Variants in FIRRM observed in about 807,000 individuals in gnomAD.
The protein encoded by FIRRM is FIGNL1 interacting regulator of recombination and mitosis.
chr1:169,840,159 T>C, the FIRRM span, among the ~76,000 whole-genome samples: 1 of 152,228 alleles, frequency 6.6e-6, no homozygotes, highest in Non-Finnish European at 1.5e-5. Flanking sequence ...AGTCACGTGA[T>C]GCCTCTGGCC....
chr1:169,813,912 G>A, the FIRRM span, among the ~76,000 whole-genome samples: 2 of 152,180 alleles, frequency 1.3e-5, no homozygotes, highest in African/African-American at 4.8e-5. Flanking sequence ...TACATTTTGG[G>A]AGAAATGTTT....
At chr1:169,827,673 G>T in the FIRRM span, 1 of 1,611,120 alleles carries the variant, frequency 6.2e-7, no homozygotes, top group Non-Finnish European at 8.5e-7. Flanking sequence ...GTATTAATCA[G>T]ATTTCTGCTG....
chr1:169,800,613 T>C, the FIRRM span, among the ~76,000 whole-genome samples: 461 of 152,224 alleles, frequency 3.0e-3, 3 homozygotes, highest in African/African-American at 9.9e-3. Flanking sequence ...TTTTCATGTT[T>C]TAAAATGTCA....
At chr1:169,809,383 A>G in the FIRRM span, among the ~76,000 whole-genome samples, 2 of 151,916 alleles carry the variant, frequency 1.3e-5, no homozygotes, top group Admixed American at 1.3e-4. Context: ...TTTCTTCTTT[A>G]CCTTTATCCT....
At chr1:169,784,654 C>A in the FIRRM span, among the ~76,000 whole-genome samples, 1 of 152,124 alleles carries the variant, frequency 6.6e-6, no homozygotes, top group Non-Finnish European at 1.5e-5. Context: ...AATCTCCGAA[C>A]CTTCATAAAT....
the FIRRM span, among the ~76,000 whole-genome samples, chr1:169,836,603 T>C: frequency 6.6e-6 from 1 of 152,220 alleles, no homozygotes; most frequent in Non-Finnish European, 1.5e-5. Context: ...GTGACGAGTA[T>C]ATAGGAAAAT....
the FIRRM span, chr1:169,792,790 A>G: frequency 3.1e-6 from 5 of 1,613,068 alleles, no homozygotes; most frequent in South Asian, 3.3e-5. Context: ...GCAAATTACT[A>G]TAATAATCTG....
the FIRRM span, among the ~76,000 whole-genome samples, chr1:169,821,342 C>T: frequency 7.2e-5 from 11 of 152,022 alleles, no homozygotes; most frequent in Non-Finnish European, 1.3e-4. Context: ...TTTGACCATC[C>T]GTTAAATTGA....
At chr1:169,850,363 CTCA>C in the FIRRM span, 1 of 1,524,430 alleles carries the variant, frequency 6.6e-7, no homozygotes, top group Non-Finnish European at 9.0e-7. Context: ...CTTTACATGG[CTCA>C]TGTTTTATTC....
chr1:169,791,732 A>G, the FIRRM span, among the ~76,000 whole-genome samples: 1 of 152,230 alleles, frequency 6.6e-6, no homozygotes, highest in Admixed American at 6.5e-5. Context: ...TAAATATCAC[A>G]TTCAATTGAA....
chr1:169,805,231 G>T, the FIRRM span, among the ~76,000 whole-genome samples: 2 of 152,178 alleles, frequency 1.3e-5, no homozygotes, highest in Middle Eastern at 3.2e-3. Context: ...GCAGTTTAGG[G>T]TGGGATGTCC....
chr1:169,814,105 G>A, the FIRRM span, among the ~76,000 whole-genome samples: 9,868 of 152,214 alleles, frequency 0.065, 427 homozygotes, highest in Non-Finnish European at 0.099. Context: ...ATTCTTATGT[G>A]ATTATACTAT....
At chr1:169,798,832 C>A in the FIRRM span, 1 of 786,116 alleles carries the variant, frequency 1.3e-6, no homozygotes, top group Non-Finnish European at 1.7e-6. Flanking sequence ...GCTTAAATTT[C>A]AAAAGGGTTT....
chr1:169,837,144 T>C, the FIRRM span: 1 of 1,538,434 alleles, frequency 6.5e-7, no homozygotes, highest in South Asian at 1.3e-5. Context: ...ATTTTATTCA[T>C]TCAGCAGCTG....
chr1:169,841,689 A>C, the FIRRM span, among the ~76,000 whole-genome samples: 8 of 152,326 alleles, frequency 5.3e-5, no homozygotes, highest in Middle Eastern at 3.4e-3. Flanking sequence ...AGGCATTTAA[A>C]ATTTTAAAAC....
chr1:169,798,884 T>G, the FIRRM span: 114 of 1,245,320 alleles, frequency 9.2e-5, 1 homozygote, highest in Non-Finnish European at 1.1e-4. Flanking sequence ...AATACCCTAT[T>G]ACTATGATAC....
At chr1:169,836,976 T>C in the FIRRM span, 1 of 1,613,140 alleles carries the variant, frequency 6.2e-7, no homozygotes, top group African/African-American at 1.3e-5. Context: ...AATCTGCCTC[T>C]GTGGCAACAT....
the FIRRM span, among the ~76,000 whole-genome samples, chr1:169,811,793 T>TTATCTAAATAGATAATAGACAGATTATC: frequency 3.1e-4 from 43 of 140,706 alleles, no homozygotes; most frequent in African/African-American, 6.3e-4. Context: ...AATAGACAGA[T>TTATCTAAATAGATAATAGACAGATTATC]TATCTAAATA....
chr1:169,814,768 A>T, the FIRRM span, among the ~76,000 whole-genome samples: 1 of 152,190 alleles, frequency 6.6e-6, no homozygotes, highest in African/African-American at 2.4e-5. Context: ...AGCTCTTTTT[A>T]TTAGTAAGGC....
Sources: gnomAD v4.1 joint callset for allele counts (sites outside exome capture counted in the v4.1 genomes callset) on GRCh38, gnomAD v4.1.1 for gene constraint, MANE v1.5 for transcripts, NCBI Gene and HGNC (gene_info 2026-07-23, HGNC 2026-07-21) for gene names.